MYO15A: variants seen among roughly 807,000 people sequenced by gnomAD.
MYO15A encodes myosin XVA.
A neutral mutation model predicts 394.6 loss-of-function variants in MYO15A; 308 were observed. The ratio of observed to expected loss-of-function variants is 0.78; its 90% CI spans 0.71 to 0.86. The LOEUF (loss-of-function observed/expected upper bound fraction) is 0.86. Among genes scored for constraint, MYO15A ranks in the 40% least tolerant of loss-of-function variants. The pLI is 0.00. For missense variants in MYO15A, 4,606 were observed against 4,799.1 expected (o/e 0.96, Z 1.19); for synonymous variants, 1,957 against 2,003.8 (o/e 0.98, Z 0.62).
chr17:18,179,762 T>C lies in MYO15A; in HGVS notation c.*892T>C, dbSNP rs1360839512. ...ACAGAGAGTAAGCACTTAAAAAATA[T>C]TTGTCATATGAATGAAAAAATAAAC... is the stretch of plus-strand genomic sequence containing the variant. On this transcript the variant is annotated 3_prime_UTR_variant, in exon 66 of 66. Transcript: ENST00000647165. The C allele has an allele frequency of 6.6e-6, 1 of 152,204 alleles. No individual in the cohort carries two copies. Among genetic ancestry groups the C allele is most frequent in the Non-Finnish European group, 1.5e-5 (1 of 68,036 alleles). The allele number at this position is 152,204 out of a possible 1,614,324, so 9.4% of individuals were successfully genotyped here.
chr17:18,149,039 G>C, intron 33 of MYO15A, 87 bp downstream of exon 33: 1 of 1,514,216 alleles, frequency 6.6e-7, no homozygotes, highest in Non-Finnish European at 8.9e-7. Flanking sequence ...GCCCCTCCCA[G>C]CTGCTGGGAC....
At chr17:18,157,621 TC>T (rs1413189035) in intron 50 of MYO15A, 100 bp from the exon 51 acceptor site, 9 of 1,564,788 alleles carry the variant, frequency 5.8e-6, no homozygotes, top group Admixed American at 1.8e-5. Context: ...CTCATAGAGT[TC>T]CAGAGAAGGG....
At chr17:18,112,432 G>A (rs952905407) in intron 1 of MYO15A, among the ~76,000 whole-genome samples, 6 of 151,980 alleles carry the variant, frequency 3.9e-5, no homozygotes, top group East Asian at 1.9e-4. Context: ...GTCTCGCACC[G>A]TCACACAGGC....
Position 18,122,138 on chromosome 17 carries a change from G to T in MYO15A, c.3338G>T (p.Arg1113Leu), listed in dbSNP as rs776149914. Residue 1113 changes from arginine to leucine, a missense_variant, in exon 2 of 66, where the codon CGT becomes CTT. Around this residue, in one of 2 missense-constraint regions of MYO15A, gnomAD observed 1,830 missense variants for 1,689.7 expected, o/e 1.08. Transcript: ENST00000647165. ...GAACGGCGCCAGGCAGCCCCTGGGCGTTTTGCTGTGGTCATGCCTCGTGTG... is the reference window on the plus strand; with the variant it reads ...GAACGGCGCCAGGCAGCCCCTGGGCTTTTTGCTGTGGTCATGCCTCGTGTG... The part of the protein sequence containing the change: ...GGERRQAAPG[R>L]FAVVMPRVQK... 1.2e-6 allele frequency: 2 copies of T among 1,612,896 alleles called. No individual in the cohort carries two copies. Among genetic ancestry groups the T allele is most frequent in the African/African-American group, 2.7e-5 (2 of 74,952 alleles).
chr17:18,175,137 TTAAAC>T (rs1336233472), intron 65 of MYO15A, among the ~76,000 whole-genome samples: 9 of 150,874 alleles, frequency 6.0e-5, no homozygotes, highest in Non-Finnish European at 1.2e-4. Context: ...CAGACTAGTC[TTAAAC>T]TCCTGGCCTC....
intron 42 of MYO15A, among the ~76,000 whole-genome samples, chr17:18,152,748 T>G (rs1245867710): frequency 6.6e-6 from 1 of 152,106 alleles, no homozygotes; most frequent in Non-Finnish European, 1.5e-5. Flanking sequence ...TCTGTTCCTC[T>G]CTGTTCTCGG....
At position 18,153,264 on chromosome 17, in the gene MYO15A, T is replaced by C. The variant is rs1271637707; in HGVS notation, c.7967-511T>C. On this transcript the variant is annotated intron_variant, in intron 42 of 65. Transcript: ENST00000647165. This position sits in a 1 kb window ranked among gnomAD's most constrained non-coding sequence, Gnocchi z 4.1. ...TAAAAACACAAAAATTAGCTGGGCG[T>C]GGTGGTGGGCACATCCAATAGGTGT... The C allele has an allele frequency of 1.3e-5, 2 of 151,422 alleles. No homozygotes were observed. The highest frequency in any genetic ancestry group is 2.9e-5 in the Non-Finnish European group (2 of 68,150). 9.4% of individuals were successfully genotyped at this position (151,422 alleles called of 1,614,324 possible).
At position 18,123,930 on chromosome 17, in the gene MYO15A, C is replaced by T. The variant is rs1014590313; in HGVS notation, c.3610-553C>T. The T allele has an allele frequency of 8.4e-5, 15 of 178,528 alleles. No homozygotes were observed. The South Asian group carries it at 1.9e-3, about 22-fold the overall frequency. The allele number at this position is 178,528 out of a possible 1,614,324, so 11.1% of individuals were successfully genotyped here. A position where few individuals can be genotyped will look rare whatever the true frequency, so the allele number is the denominator to read the frequency against. ...CCTCCAGCCGGGCCCCACAGGCCTG[C>T]GTATGTGCCCACAGGCCTACAGGAA... On this transcript the variant is annotated intron_variant, in intron 2 of 65. Transcript: ENST00000647165.
Position 18,166,333 on chromosome 17 carries a change from C to T in MYO15A, c.9788-28C>T, listed in dbSNP as rs371793486. ...ACATGTGTGTGCACACATGCCCCCACCCAGCCCTGCCTCCCTGCTCTCTGC... is the reference window on the plus strand; with the variant it reads ...ACATGTGTGTGCACACATGCCCCCATCCAGCCCTGCCTCCCTGCTCTCTGC... On this transcript the variant is annotated intron_variant, in intron 60 of 65. Coordinates refer to ENST00000647165, the MANE Select transcript of MYO15A (RefSeq NM_016239.4). 8 of 1,608,408 alleles carry T rather than the reference C, an allele frequency of 5.0e-6. No homozygotes were observed. The African/African-American group carries it at 1.1e-4, about 21-fold the overall frequency.
rs1037836795 is a variant in MYO15A, at chr17:18,150,993, C to T, written c.7473+80C>T. On this transcript the variant is annotated intron_variant, in intron 38 of 65. Transcript: ENST00000647165. This position sits in a 1 kb window ranked among gnomAD's most constrained non-coding sequence, Gnocchi z 4.4. ...AGGAATGCTGTGCTGCTCCAGGGCA[C>T]TATTGTGCCTCTTTGAGCCCAGGAG... is the stretch of plus-strand genomic sequence containing the variant. 11 of 1,606,734 alleles carry T rather than the reference C, an allele frequency of 6.8e-6. No individual in the cohort carries two copies. Among genetic ancestry groups the T allele is most frequent in the Non-Finnish European group, 9.3e-6 (11 of 1,177,722 alleles).
intron 23 of MYO15A, 94 bp from the exon 24 acceptor site, chr17:18,141,985 G>C: frequency 6.6e-7 from 1 of 1,504,170 alleles, no homozygotes; most frequent in Admixed American, 1.7e-5. Flanking sequence ...AGGCTGCCCT[G>C]CCTATTCTGT....
intron 25 of MYO15A, 98 bp downstream of exon 25, chr17:18,142,938 G>C (rs2046408202): frequency 1.7e-6 from 2 of 1,159,064 alleles, no homozygotes; most frequent in South Asian, 2.6e-5. Flanking sequence ...GCAGTCTTGG[G>C]TTCAAATTCT....
At chr17:18,157,992 A>T in intron 51 of MYO15A, 92 bp downstream of exon 51, 2 of 1,424,266 alleles carry the variant, frequency 1.4e-6, no homozygotes, top group Non-Finnish European at 1.8e-6. Context: ...AGGTGGGCCA[A>T]GGGCCTGGCC....
rs1239381860 is a variant in MYO15A at position 18,137,208 on chromosome 17, T to A, written c.4780-376T>A. 2.6e-5 allele frequency among the ~76,000 whole-genome samples: 4 copies of A among 152,214 alleles called. No individual in the cohort carries two copies. The East Asian group carries it at 7.7e-4, about 29-fold the overall frequency. ...CACGTGGCACCTGTTATGTGCCAGG[T>A]GCTGTTTAAAGCACTTTGTTAATTC... is the stretch of plus-strand genomic sequence containing the variant. On this transcript the variant is annotated intron_variant, in intron 15 of 65. Coordinates refer to ENST00000647165, the MANE Select transcript of MYO15A (RefSeq NM_016239.4).
chr17:18,118,049 T>C (rs756662506), intron 1 of MYO15A, among the ~76,000 whole-genome samples: 12 of 152,036 alleles, frequency 7.9e-5, no homozygotes, highest in Non-Finnish European at 1.8e-4. Context: ...TCTGCCTCTC[T>C]ACCCCTGCCC....
intron 4 of MYO15A, among the ~76,000 whole-genome samples, 177 bp from the exon 5 acceptor site, chr17:18,126,170 C>T (rs1341547123): frequency 6.6e-6 from 1 of 152,230 alleles, no homozygotes; most frequent in East Asian, 1.9e-4. Context: ...CCTGAGATTC[C>T]ACTGTTAGAG....
chr17:18,126,545 T>C (rs898137605), intron 5 of MYO15A, 89 bp downstream of exon 5: 15 of 1,285,546 alleles, frequency 1.2e-5, no homozygotes, highest in East Asian at 2.5e-5. Context: ...ACCTGAGCCA[T>C]GAGTCAGAGG....
chr17:18,137,752 T>C, intron 16 of MYO15A, 73 bp downstream of exon 16: 1 of 1,502,636 alleles, frequency 6.7e-7, no homozygotes, highest in Non-Finnish European at 9.2e-7. Flanking sequence ...CAGATGAGGA[T>C]ATACTGGTTG....
chr17:18,161,232 A>C, intron 56 of MYO15A, 85 bp from the exon 57 acceptor site: 2 of 1,545,522 alleles, frequency 1.3e-6, no homozygotes, highest in Non-Finnish European at 1.8e-6. Flanking sequence ...GAGAGTTGGA[A>C]TCTGTCTCAG....
Sources: allele counts gnomAD v4.1 joint callset (sites outside exome capture counted in the v4.1 genomes callset), GRCh38; gene constraint gnomAD v4.1.1; regional missense constraint gnomAD v4.1.1; non-coding constraint Gnocchi (gnomAD v3.1); transcripts MANE v1.5; gene names NCBI Gene and HGNC (gene_info 2026-07-23, HGNC 2026-07-21).